The following VPS8 variants were observed in gnomAD, a reference collection of about 807,000 sequenced individuals.
The protein encoded by VPS8 is vacuolar protein sorting-associated protein 8 homolog.
Under a neutral mutation model 216.4 loss-of-function variants are expected in VPS8, and 129 were observed. The ratio of observed to expected loss-of-function variants is 0.60; its 90% CI spans 0.52 to 0.69. The LOEUF (loss-of-function observed/expected upper bound fraction) is 0.69. Among genes scored for constraint, VPS8 ranks in the 30% least tolerant of loss-of-function variants. The probability of loss-of-function intolerance (pLI) is 0.00; values close to 1 mark genes in which losing one functional copy is unlikely to be tolerated. For missense variants in VPS8, 1,531 were observed against 1,683.5 expected (o/e 0.91, Z 1.59); for synonymous variants, 571 against 565.4 (o/e 1.01, Z -0.14).
chr3:184,932,446 A>G (rs1740852043), intron 34 of VPS8, among the ~76,000 whole-genome samples: 1 of 152,208 alleles, frequency 6.6e-6, no homozygotes, highest in South Asian at 2.1e-4. Context: ...TGAAATTTAT[A>G]AAGCATTCAA....
chr3:185,030,006 T>G (rs1757896509), intron 46 of VPS8, among the ~76,000 whole-genome samples: 1 of 152,230 alleles, frequency 6.6e-6, no homozygotes, highest in African/African-American at 2.4e-5. Context: ...ATTGATAATT[T>G]CAGTAACGAA....
Position 184,928,500 on chromosome 3 carries a change from G to A in VPS8, c.2681G>A (p.Ser894Asn), listed in dbSNP as rs1363237573. Residue 894 changes from serine (S) to asparagine (N), a missense_variant, in exon 32 of 48, where the codon AGT becomes AAT. Ser to Asn is a conservative substitution (Grantham distance 46, BLOSUM62 1). This residue lies in a region of VPS8 where 1,318 missense variants were observed against 1,468.4 expected (regional missense o/e 0.90). Coordinates refer to ENST00000625842, the MANE Select transcript of VPS8 (RefSeq NM_001009921.3). Reference protein sequence around the residue: ...QAGGIVQFEESRLIRMAEKAE... With the variant: ...QAGGIVQFEENRLIRMAEKAE... The stretch of plus-strand genomic sequence containing the variant: ...GGAGGCATAGTTCAATTTGAAGAGA[G>A]TCGACTCATCCGGATGGCAGAAAAA... 1 of 1,534,574 alleles carries A rather than the reference G, an allele frequency of 6.5e-7. No individual in the cohort carries two copies. The highest frequency in any genetic ancestry group is 2.5e-5 in the East Asian group (1 of 39,266).
At chr3:184,931,519 G>A (rs1740679530) in intron 34 of VPS8, among the ~76,000 whole-genome samples, 1 of 152,144 alleles carries the variant, frequency 6.6e-6, no homozygotes, top group South Asian at 2.1e-4. Flanking sequence ...AGGATATGAT[G>A]TGGATACTTT....
intron 44 of VPS8, among the ~76,000 whole-genome samples, chr3:184,998,479 TTATATATATATATATATA>T (rs10530534): frequency 5.2e-4 from 70 of 135,012 alleles, no homozygotes; most frequent in African/African-American, 1.7e-3. Flanking sequence ...AAGAGGAAGT[TTATATATATATATATATA>T]TATATATATA....
chr3:184,816,748 C>A (rs1716404530), intron 1 of VPS8, among the ~76,000 whole-genome samples: 1 of 152,282 alleles, frequency 6.6e-6, no homozygotes, highest in East Asian at 1.9e-4. Context: ...GTTGGAACTG[C>A]ATGGCGTTTG....
chr3:184,979,663 C>G (rs1749865527), intron 40 of VPS8, among the ~76,000 whole-genome samples: 1 of 152,082 alleles, frequency 6.6e-6, no homozygotes, highest in Admixed American at 6.5e-5. Context: ...AGATTTTTCT[C>G]CATCCATTTT....
At chr3:185,028,863 T>C (rs1757736308) in intron 46 of VPS8, among the ~76,000 whole-genome samples, 2 of 152,178 alleles carry the variant, frequency 1.3e-5, no homozygotes, top group Admixed American at 6.5e-5. Context: ...TATCCGTAAG[T>C]GTAGAACAAA....
intron 21 of VPS8, among the ~76,000 whole-genome samples, chr3:184,882,111 A>G (rs1474107215): frequency 6.6e-6 from 1 of 151,450 alleles, no homozygotes; most frequent in African/African-American, 2.4e-5. Flanking sequence ...TCAGCATTGT[A>G]TTGAAGAGAG....
intron 1 of VPS8, among the ~76,000 whole-genome samples, chr3:184,818,848 T>C (rs934438643): frequency 6.6e-6 from 1 of 151,730 alleles, no homozygotes; most frequent in African/African-American, 2.4e-5. Context: ...TGAGAACAGT[T>C]AGGAATAAAT....
chr3:184,927,503 C>A lies in VPS8; in HGVS notation c.2631+853C>A, dbSNP rs888631789. Among the ~76,000 whole-genome samples, 2 of 151,232 alleles carry A rather than the reference C, an allele frequency of 1.3e-5. 1 individual carries two copies. Among genetic ancestry groups the A allele is most frequent in the South Asian group, 4.2e-4 (2 of 4,790 alleles). ...ATATTGAATACAAATAGTATATGGGCCCCCTCATTTCAGCTGCTTAGTGTT... is the reference window on the plus strand; with the variant it reads ...ATATTGAATACAAATAGTATATGGGACCCCTCATTTCAGCTGCTTAGTGTT... On this transcript the variant is annotated intron_variant, in intron 31 of 47. Coordinates refer to ENST00000625842, the MANE Select transcript of VPS8 (RefSeq NM_001009921.3).
chr3:184,907,838 A>G (rs1274451435), intron 25 of VPS8, among the ~76,000 whole-genome samples: 1 of 152,154 alleles, frequency 6.6e-6, no homozygotes, highest in East Asian at 1.9e-4. Flanking sequence ...TTTGGCAGGC[A>G]GTTTAGAATT....
At chr3:184,912,686 A>C (rs949649470) in intron 25 of VPS8, among the ~76,000 whole-genome samples, 1 of 152,230 alleles carries the variant, frequency 6.6e-6, no homozygotes, top group African/African-American at 2.4e-5. Flanking sequence ...TGGAAGCAAA[A>C]TGTAGTTATT....
intron 21 of VPS8, among the ~76,000 whole-genome samples, chr3:184,872,171 A>G (rs1728457037): frequency 6.6e-6 from 1 of 152,138 alleles, no homozygotes; most frequent in Non-Finnish European, 1.5e-5. Context: ...ATTTGTAACA[A>G]GAATATACCT....
chr3:184,854,759 G>T (rs1724933303), intron 13 of VPS8, among the ~76,000 whole-genome samples: 1 of 152,192 alleles, frequency 6.6e-6, no homozygotes, highest in Admixed American at 6.5e-5. Context: ...GCTATTACAT[G>T]TGCTTTCCCT....
At chr3:184,835,025 T>C in intron 5 of VPS8, 1 of 258,032 alleles carries the variant, frequency 3.9e-6, no homozygotes, top group East Asian at 7.0e-5. Context: ...GCCTTTTCTT[T>C]AAATTCCTTT....
chr3:184,871,968 T>G (rs1429006921), intron 21 of VPS8, among the ~76,000 whole-genome samples: 4 of 152,094 alleles, frequency 2.6e-5, no homozygotes, highest in Non-Finnish European at 5.9e-5. Flanking sequence ...CTGTTATTAC[T>G]CTGTTTGGCT....
At chr3:184,969,597 T>C (rs2109612761) in intron 39 of VPS8, among the ~76,000 whole-genome samples, 1 of 151,374 alleles carries the variant, frequency 6.6e-6, no homozygotes, top group Non-Finnish European at 1.5e-5. Flanking sequence ...TCCCAGCTAA[T>C]CTTTGTATTT....
intron 46 of VPS8, among the ~76,000 whole-genome samples, chr3:185,036,632 C>T (rs1040627706): frequency 2.0e-5 from 3 of 151,080 alleles, no homozygotes; most frequent in African/African-American, 7.3e-5. Flanking sequence ...CCTAGATTTT[C>T]ATATTCAGCT....
At chr3:184,966,570 A>G (rs1577008618) in intron 38 of VPS8, 101 bp from the exon 39 acceptor site, 2 of 678,650 alleles carry the variant, frequency 2.9e-6, no homozygotes, top group East Asian at 2.8e-5. Context: ...ATAACCTTGT[A>G]GTTTTGAGGG....
Sources: allele counts gnomAD v4.1 joint callset (sites outside exome capture counted in the v4.1 genomes callset), GRCh38; gene constraint gnomAD v4.1.1; regional missense constraint gnomAD v4.1.1; transcripts MANE v1.5; gene names NCBI Gene and HGNC (gene_info 2026-07-23, HGNC 2026-07-21).